The following ACTN3 variants were observed in gnomAD, a reference collection of about 807,000 sequenced individuals.
ACTN3 encodes the protein actinin alpha 3, also known as alpha-actinin-3.
In ACTN3, 91 loss-of-function variants were observed where a neutral mutation model predicts 119.6. The ratio of observed to expected loss-of-function variants is 0.76; its 90% CI spans 0.64 to 0.91. ACTN3 has a LOEUF of 0.91. ACTN3 is among the 40% of genes least tolerant of loss of function. The pLI is 0.00. For missense variants in ACTN3, 1,221 were observed against 1,215.1 expected, an observed-to-expected ratio of 1.00 and a Z score of -0.07; for synonymous variants, 456 against 478.8, an observed-to-expected ratio of 0.95 and a Z score of 0.62.
Position 66,551,452 on chromosome 11 carries a change from G to C in ACTN3, c.263-76G>C. The stretch of plus-strand genomic sequence containing the variant: ...GGAGTGTTGGACGGGACTTGGTGGG[G>C]AGGGGAGAGTTTGCGGACAATAGCT... On this transcript the variant is annotated intron_variant, in intron 2 of 20. Coordinates refer to ENST00000513398, the MANE Select transcript of ACTN3 (RefSeq NM_001104.4). The C allele has an allele frequency of 3.2e-6, 5 of 1,571,740 alleles. No homozygotes were observed. In the East Asian group the frequency reaches 1.2e-4, roughly 37 times the overall value.
At chr11:66,554,171 C>T (rs1219295404) in intron 4 of ACTN3, 40 bp downstream of exon 4, 2 of 1,579,220 alleles carry the variant, frequency 1.3e-6, no homozygotes, top group African/African-American at 2.7e-5. Context: ...GGTGCAGTGG[C>T]TGGGGCCTGT....
At position 66,553,901 on chromosome 11, in the gene ACTN3, C is replaced by T. The variant is rs1237207139; in HGVS notation, c.383-144C>T. On this transcript the variant is annotated intron_variant, in intron 3 of 20. Coordinates refer to ENST00000513398, the MANE Select transcript of ACTN3 (RefSeq NM_001104.4). ...AAGAAAAAGAGATGCTTATTGAGCA[C>T]CTGCTAGGTGCTCACCTACTAGGTG... The T allele has an allele frequency of 2.2e-5, 11 of 496,166 alleles. 1 individual carries two copies. Among genetic ancestry groups the T allele is most frequent in the Admixed American group, 1.7e-4 (5 of 29,150 alleles). The allele number at this position is 496,166 out of a possible 1,614,324, so 30.7% of individuals were successfully genotyped here. A position where few individuals can be genotyped will look rare whatever the true frequency, so the allele number is the denominator to read the frequency against.
chr11:66,558,446 C>T (rs1369710662), intron 11 of ACTN3, among the ~76,000 whole-genome samples: 1 of 152,132 alleles, frequency 6.6e-6, no homozygotes, highest in Non-Finnish European at 1.5e-5. Context: ...CGGCTCACTA[C>T]AATCTCTGCC....
intron 17 of ACTN3, 145 bp downstream of exon 17, chr11:66,561,782 G>A: frequency 9.0e-7 from 1 of 1,115,514 alleles, no homozygotes; most frequent in Non-Finnish European, 1.2e-6. Context: ...GATGGAAAGT[G>A]ACCCTTCCAG....
chr11:66,546,809 C>G (rs1857352692), upstream of ACTN3: 1 of 1,530,468 alleles, frequency 6.5e-7, no homozygotes, highest in Non-Finnish European at 8.7e-7. Context: ...CTCCTTCACC[C>G]CCATCCGGCC....
At position 66,563,223 on chromosome 11, in the gene ACTN3, T is replaced by C. The variant is rs779742682; in HGVS notation, c.*30T>C. ...AACCACTGAGGTTCTCTATGCAAGA[T>C]GGAGAGAGGATGCACCCTGTGGCTG... On this transcript the variant is annotated 3_prime_UTR_variant, in exon 21 of 21. Transcript: ENST00000513398. 6.4e-6 allele frequency: 10 copies of C among 1,572,190 alleles called. No homozygotes were observed. The highest frequency in any genetic ancestry group is 1.2e-5 in the South Asian group (1 of 86,940).
intron 8 of ACTN3, among the ~76,000 whole-genome samples, chr11:66,556,461 G>A (rs2134929623): frequency 6.6e-6 from 1 of 152,260 alleles, no homozygotes; most frequent in South Asian, 2.1e-4. Context: ...TTCTTTGTTT[G>A]TTTTTTGAGA....
At chr11:66,559,946 T>G in intron 12 of ACTN3, 22 bp from the exon 13 acceptor site, 2 of 1,572,110 alleles carry the variant, frequency 1.3e-6, no homozygotes, top group Non-Finnish European at 1.7e-6. Flanking sequence ...GGCCCCACAC[T>G]CGCCCTACTT....
Position 66,561,999 on chromosome 11 carries a change from G to A in ACTN3, c.2176-23G>A, listed in dbSNP as rs372076882. ...GCCAGGCACTGGCCGCCCACTGACA[G>A]TGGCCTGTCCCCTGACCGCCAGCAC... On this transcript the variant is annotated intron_variant, in intron 17 of 20. Coordinates refer to ENST00000513398, the MANE Select transcript of ACTN3 (RefSeq NM_001104.4). The A allele has an allele frequency of 7.2e-5, 114 of 1,588,860 alleles. No individual in the cohort carries two copies. In the Middle Eastern group the frequency reaches 8.3e-4, roughly 12 times the overall value.
chr11:66,549,440 G>A (rs1006639080), intron 1 of ACTN3, among the ~76,000 whole-genome samples: 1 of 152,168 alleles, frequency 6.6e-6, no homozygotes, highest in African/African-American at 2.4e-5. Context: ...CTCATTAAGA[G>A]TCTTGTTTGG....
chr11:66,559,473 C>T (rs1857691212), intron 12 of ACTN3, 87 bp downstream of exon 12: 1 of 1,292,692 alleles, frequency 7.7e-7, no homozygotes. Flanking sequence ...TTGCCCTTCT[C>T]AAGACACTAG....
intron 11 of ACTN3, 57 bp downstream of exon 11, chr11:66,558,231 A>C: frequency 6.3e-7 from 1 of 1,593,568 alleles, no homozygotes; most frequent in Non-Finnish European, 8.5e-7. Context: ...ATTGGTGTGC[A>C]GGGGCAGGAG....
intron 1 of ACTN3, among the ~76,000 whole-genome samples, chr11:66,547,597 G>A (rs576778660): frequency 6.8e-4 from 104 of 152,206 alleles, no homozygotes; most frequent in African/African-American, 2.4e-3. Context: ...AGCCCAGAAA[G>A]AGCACAGACA....
intron 12 of ACTN3, 118 bp from the exon 13 acceptor site, chr11:66,559,850 C>T (rs1193920762): frequency 1.8e-5 from 18 of 1,018,716 alleles, no homozygotes; most frequent in East Asian, 5.2e-5. Context: ...TACCCACCAC[C>T]TGCCCTGGCT....
chr11:66,559,129 C>T, intron 11 of ACTN3, 107 bp from the exon 12 acceptor site: 2 of 1,232,760 alleles, frequency 1.6e-6, no homozygotes, highest in Non-Finnish European at 2.1e-6. Context: ...CGAGCTAGGC[C>T]GGTGCGATCG....
At chr11:66,548,545 A>C (rs1349970999) in intron 1 of ACTN3, among the ~76,000 whole-genome samples, 2 of 152,170 alleles carry the variant, frequency 1.3e-5, no homozygotes, top group African/African-American at 4.8e-5. Flanking sequence ...TCTGAAAATC[A>C]ATCAGCATCC....
rs757338699 is a variant in ACTN3, at chr11:66,555,187, C to T, written c.615C>T (p.Ile205=). 6.2e-6 allele frequency: 10 copies of T among 1,613,900 alleles called. No individual in the cohort carries two copies. Among genetic ancestry groups the T allele is most frequent in the African/African-American group, 1.3e-5 (1 of 74,870 alleles). The stretch of plus-strand genomic sequence containing the variant: ...TCCACCGACACCGCCCTGACCTCAT[C>T]GACTACGCCAAACTGCGAAAGGTAG... The part of the protein sequence containing the change: ...ALIHRHRPDL[I]DYAKLRKDDP... Residue 205 remains isoleucine (I), a synonymous_variant, in exon 6 of 21, where the codon ATC becomes ATT. Coordinates refer to ENST00000513398, the MANE Select transcript of ACTN3 (RefSeq NM_001104.4).
In ACTN3 at chr11:66,561,767, C is replaced by T. The variant is rs1857775362; in HGVS notation, c.2175+130C>T. 5.8e-6 allele frequency: 7 copies of T among 1,211,232 alleles called. No individual in the cohort carries two copies. In the Admixed American group the frequency reaches 1.8e-4, roughly 31 times the overall value. 75.0% of individuals were successfully genotyped at this position (1,211,232 alleles called of 1,614,324 possible). A position where few individuals can be genotyped will look rare whatever the true frequency, so the allele number is the denominator to read the frequency against. ...TCAGCTTGGCCAGGTCCCTTAAGAC[C>T]CAGCGATGGAAAGTGACCCTTCCAG... is the stretch of plus-strand genomic sequence containing the variant. On this transcript the variant is annotated intron_variant, in intron 17 of 20. Coordinates refer to ENST00000513398, the MANE Select transcript of ACTN3 (RefSeq NM_001104.4).
In ACTN3 at chr11:66,560,242, C is replaced by A; in HGVS notation, c.1608C>A (p.Asn536Lys). The stretch of plus-strand genomic sequence containing the variant: ...TTGCCCGGCGGGCCGCGCCCTTCAA[C>A]AACTGGCTGGATGGTGCCGTGGAGG... Reference protein sequence around the residue: ...LEFARRAAPFNNWLDGAVEDL... With the variant: ...LEFARRAAPFKNWLDGAVEDL... Residue 536 changes from asparagine (N) to lysine (K), a missense_variant, in exon 14 of 21, where the codon AAC becomes AAA. Around this residue, in one of 3 missense-constraint regions of ACTN3, gnomAD observed 934 missense variants for 899.9 expected, o/e 1.04. Transcript: ENST00000513398. The A allele has an allele frequency of 6.2e-7, 1 of 1,613,188 alleles. No homozygotes were observed.
Sources: gnomAD v4.1 joint callset for allele counts (sites outside exome capture counted in the v4.1 genomes callset) on GRCh38, gnomAD v4.1.1 for gene constraint, gnomAD v4.1.1 regional missense constraint, MANE v1.5 for transcripts, NCBI Gene and HGNC (gene_info 2026-07-23, HGNC 2026-07-21) for gene names.